Variants in MSRA observed in about 807,000 individuals in gnomAD.
MSRA encodes the protein mitochondrial peptide methionine sulfoxide reductase.
In MSRA, 54 loss-of-function variants were observed where a neutral mutation model predicts 31.3. That is an observed-to-expected ratio of 1.73 (90% confidence interval 1.39 to 2.17). The LOEUF is 2.17. Ranked by LOEUF, MSRA falls within the 30% of genes most tolerant of loss-of-function variation. The pLI is 0.00. For synonymous variants in MSRA, 169 were observed against 116.5 expected (o/e 1.45, Z -2.90); for missense variants, 507 against 300.9 (o/e 1.69, Z -5.07).
intron 1 of MSRA, among the ~76,000 whole-genome samples, chr8:10,195,471 G>C (rs1807890439): frequency 6.6e-6 from 1 of 152,128 alleles, no homozygotes; most frequent in African/African-American, 2.4e-5. Context: ...GAATTCCTCA[G>C]CTCAGGCAAT....
chr8:10,336,116 T>G (rs915988551), intron 5 of MSRA, among the ~76,000 whole-genome samples: 1 of 152,194 alleles, frequency 6.6e-6, no homozygotes, highest in Non-Finnish European at 1.5e-5. Flanking sequence ...AATATCACAT[T>G]AAAAGAATAT....
rs564327592 is a variant in MSRA, at chr8:10,201,787, C to G, written c.143-6046C>G. ...AGTCTTGGTCTAATTAACTGCTACTCTGCAAGCACTGCGCTCTCAAGATGA... is the reference window on the plus strand; with the variant it reads ...AGTCTTGGTCTAATTAACTGCTACTGTGCAAGCACTGCGCTCTCAAGATGA... On this transcript the variant is annotated intron_variant, in intron 1 of 5. Coordinates refer to ENST00000317173, the MANE Select transcript of MSRA (RefSeq NM_012331.5). 2.0e-5 allele frequency among the ~76,000 whole-genome samples: 3 copies of G among 152,374 alleles called. No individual in the cohort carries two copies. In the East Asian group the frequency reaches 5.8e-4, roughly 29 times the overall value.
intron 5 of MSRA, among the ~76,000 whole-genome samples, chr8:10,418,843 C>CAAAAA (rs33958722): frequency 1.0e-5 from 1 of 100,028 alleles, no homozygotes; most frequent in Non-Finnish European, 2.0e-5. Context: ...AAAAAACCAA[C>CAAAAA]AAAAAAAAAA....
chr8:10,232,742 T>G (rs1005312719), intron 2 of MSRA, among the ~76,000 whole-genome samples: 5 of 152,188 alleles, frequency 3.3e-5, no homozygotes, highest in African/African-American at 1.2e-4. Context: ...AATGACAGAT[T>G]AAAATTGTGA....
At chr8:10,233,407 A>G (rs1811661377) in intron 2 of MSRA, among the ~76,000 whole-genome samples, 2 of 152,266 alleles carry the variant, frequency 1.3e-5, no homozygotes, top group East Asian at 1.9e-4. Flanking sequence ...ACTCGAGTTA[A>G]TTTTTTATAA....
Position 10,322,973 on chromosome 8 carries a change from C to T in MSRA, c.543+2984C>T, listed in dbSNP as rs576126542. Among the ~76,000 whole-genome samples the T allele has an allele frequency of 1.7e-4, 26 of 151,644 alleles. No individual in the cohort carries two copies. In the East Asian group the frequency reaches 4.3e-3, roughly 25 times the overall value. On this transcript the variant is annotated intron_variant, in intron 5 of 5. Transcript: ENST00000317173. The stretch of plus-strand genomic sequence containing the variant: ...GGCGTGGTTACACGCACCTGTAATC[C>T]GAGCTACTGAGGAGGCTGAGGCAGG...
chr8:10,210,488 T>C (rs909182490), intron 2 of MSRA, among the ~76,000 whole-genome samples: 9 of 152,108 alleles, frequency 5.9e-5, no homozygotes, highest in Non-Finnish European at 1.3e-4. Flanking sequence ...CTTCCCGGAG[T>C]GCTCTGAAGG....
intron 3 of MSRA, among the ~76,000 whole-genome samples, chr8:10,283,158 A>T (rs376905306): frequency 2.1e-4 from 17 of 82,594 alleles, no homozygotes; most frequent in African/African-American, 3.4e-4. Flanking sequence ...ACACACACAC[A>T]CACTCTCACC....
chr8:10,126,358 C>CAAAAT (rs1346863795), intron 1 of MSRA, among the ~76,000 whole-genome samples: 2 of 152,056 alleles, frequency 1.3e-5, no homozygotes, highest in Non-Finnish European at 2.9e-5. Context: ...AAAATCACTC[C>CAAAAT]AAAATTTCAT....
At chr8:10,373,767 A>G (rs1805606247) in intron 5 of MSRA, among the ~76,000 whole-genome samples, 1 of 152,258 alleles carries the variant, frequency 6.6e-6, no homozygotes, top group African/African-American at 2.4e-5. Context: ...AGAATGGGCC[A>G]GATGATGACC....
At chr8:10,333,107 G>C (rs1292768524) in intron 5 of MSRA, among the ~76,000 whole-genome samples, 1 of 152,132 alleles carries the variant, frequency 6.6e-6, no homozygotes, top group African/African-American at 2.4e-5. Context: ...TTTAGTAGAA[G>C]TACAGTAGAA....
intron 3 of MSRA, among the ~76,000 whole-genome samples, chr8:10,283,505 AGTGG>A (rs1799746324): frequency 6.6e-6 from 1 of 151,852 alleles, no homozygotes; most frequent in African/African-American, 2.4e-5. Context: ...TGCATTCTTT[AGTGG>A]TGATTTGTGA....
chr8:10,369,831 A>G (rs1186228044), intron 5 of MSRA, among the ~76,000 whole-genome samples: 1 of 152,228 alleles, frequency 6.6e-6, no homozygotes, highest in Non-Finnish European at 1.5e-5. Context: ...AGAATTATTC[A>G]TCAGTTTTCT....
intron 3 of MSRA, among the ~76,000 whole-genome samples, chr8:10,263,296 G>A (rs1265834338): frequency 6.6e-6 from 1 of 152,076 alleles, no homozygotes; most frequent in African/African-American, 2.4e-5. Context: ...TCTGTCACAG[G>A]GCCATCTTTG....
chr8:10,158,943 A>G (rs1804404975), intron 1 of MSRA, among the ~76,000 whole-genome samples: 1 of 152,152 alleles, frequency 6.6e-6, no homozygotes, highest in Admixed American at 6.5e-5. Context: ...ATGTTATCTC[A>G]TTGTAATTTT....
rs111978507 is a variant in MSRA, at chr8:10,206,709, G to A, written c.143-1124G>A. On this transcript the variant is annotated intron_variant, in intron 1 of 5. Transcript: ENST00000317173. Reference sequence around the variant, plus strand: ...TCCTTCGGACTCCAGGAGTGGCAGCGCCTTCTGGCAGCACATCTGACTTCC... The same window carrying A: ...TCCTTCGGACTCCAGGAGTGGCAGCACCTTCTGGCAGCACATCTGACTTCC... Among the ~76,000 whole-genome samples, 95 of 152,260 alleles carry A rather than the reference G, an allele frequency of 6.2e-4. 1 individual carries two copies. The highest frequency in any genetic ancestry group is 1.6e-3 in the Admixed American group (24 of 15,298).
chr8:10,096,210 G>C lies in MSRA; in HGVS notation c.142+41552G>C, dbSNP rs1193590595. ...TCTTAAAGCAACAGCTTTTATTTCT[G>C]CTGCTTCATGCTGTCCTAAACTACA... is the stretch of plus-strand genomic sequence containing the variant. On this transcript the variant is annotated intron_variant, in intron 1 of 5. Coordinates refer to ENST00000317173, the MANE Select transcript of MSRA (RefSeq NM_012331.5). 4 of 1,247,106 alleles carry C rather than the reference G, an allele frequency of 3.2e-6. No individual in the cohort carries two copies. In the Admixed American group the frequency reaches 1.2e-4, roughly 37 times the overall value. 77.3% of individuals were successfully genotyped at this position (1,247,106 alleles called of 1,614,324 possible). A position where few individuals can be genotyped will look rare whatever the true frequency, so the allele number is the denominator to read the frequency against.
rs546684346 is a variant in MSRA, at chr8:10,243,119, C to T, written c.212-1985C>T. 4.6e-5 allele frequency among the ~76,000 whole-genome samples: 7 copies of T among 152,290 alleles called. No homozygotes were observed. In the South Asian group the frequency reaches 1.5e-3, roughly 32 times the overall value. ...GTGGGACCATGGGCAAAGGTCAGGACAGGCTAGCTACTAAAATGGCCTGCC... is the reference window on the plus strand; with the variant it reads ...GTGGGACCATGGGCAAAGGTCAGGATAGGCTAGCTACTAAAATGGCCTGCC... On this transcript the variant is annotated intron_variant, in intron 2 of 5. Transcript: ENST00000317173.
At chr8:10,398,155 C>G (rs1338385008) in intron 5 of MSRA, among the ~76,000 whole-genome samples, 1 of 152,222 alleles carries the variant, frequency 6.6e-6, no homozygotes, top group Non-Finnish European at 1.5e-5. Context: ...CCCAAGGACT[C>G]TCTAGTAGCC....
Sources: gnomAD v4.1 joint callset for allele counts (sites outside exome capture counted in the v4.1 genomes callset) on GRCh38, gnomAD v4.1.1 for gene constraint, MANE v1.5 for transcripts, NCBI Gene and HGNC (gene_info 2026-07-23, HGNC 2026-07-21) for gene names.